MREG: variants seen among roughly 807,000 people sequenced by gnomAD.
MREG encodes the protein dilute suppressor protein homolog.
MREG carries 31 observed loss-of-function variants against 28.5 expected under a neutral mutation model. The observed-to-expected ratio is 1.09, with a 90% CI of 0.82 to 1.47. The LOEUF (loss-of-function observed/expected upper bound fraction) is 1.47, where lower values mean the gene tolerates loss of function less well. Among genes scored for constraint, MREG ranks in the 40% most tolerant of loss-of-function variants. The pLI, the probability that MREG is intolerant of heterozygous loss-of-function variation, is 0.00. For missense variants in MREG, 256 were observed against 257.4 expected, an observed-to-expected ratio of 0.99 and a Z score of 0.04; for synonymous variants, 106 against 95.2, an observed-to-expected ratio of 1.11 and a Z score of -0.66.
At chr2:215,955,724 T>C (rs973440384) in intron 2 of MREG, among the ~76,000 whole-genome samples, 21 of 152,316 alleles carry the variant, frequency 1.4e-4, no homozygotes, top group African/African-American at 4.6e-4. Flanking sequence ...CTTCTCCAGT[T>C]TAGTTTTCTG....
chr2:215,969,108 G>A (rs1693020597), intron 2 of MREG, among the ~76,000 whole-genome samples: 1 of 152,144 alleles, frequency 6.6e-6, no homozygotes, highest in Admixed American at 6.5e-5. Context: ...TCAGATTTGA[G>A]TTTTAAAGGG....
intron 1 of MREG, among the ~76,000 whole-genome samples, chr2:216,010,592 T>C (rs1448420481): frequency 1.1e-4 from 17 of 150,400 alleles, no homozygotes; most frequent in South Asian, 2.1e-4. Flanking sequence ...CTCCTGACCT[T>C]GTGATCCGGC....
intron 2 of MREG, among the ~76,000 whole-genome samples, chr2:215,968,870 C>G (rs976790003): frequency 6.6e-6 from 1 of 152,224 alleles, no homozygotes; most frequent in South Asian, 2.1e-4. Flanking sequence ...ATCTTCCCGC[C>G]TCAGCCTCCA....
intron 1 of MREG, among the ~76,000 whole-genome samples, chr2:216,009,567 T>G (rs1323280095): frequency 1.3e-5 from 2 of 152,168 alleles, no homozygotes; most frequent in Non-Finnish European, 2.9e-5. Flanking sequence ...CCTGAGCGTC[T>G]TTCTCCTTAA....
chr2:215,981,106 A>G (rs1693417563), intron 2 of MREG, among the ~76,000 whole-genome samples: 2 of 152,350 alleles, frequency 1.3e-5, no homozygotes, highest in African/African-American at 4.8e-5. Flanking sequence ...TAAATAATTA[A>G]TAACTCATTA....
In MREG at chr2:216,026,102, C is replaced by CAG. The variant is rs569284105; in HGVS notation, c.-68+6685_-68+6686dup. Among the ~76,000 whole-genome samples the CAG allele has an allele frequency of 1.6e-4, 25 of 152,174 alleles. No individual in the cohort carries two copies. The East Asian group carries it at 4.1e-3, about 25-fold the overall frequency. The stretch of plus-strand genomic sequence containing the variant: ...AAACATTATGATAAGTGAAAAAAGC[C>CAG]AGACACAAAAGGTCACACATTATAT... On this transcript the variant is annotated intron_variant, in intron 1 of 3. Coordinates refer to the MREG transcript ENST00000420348.
chr2:215,994,457 T>A (rs1054252533), intron 2 of MREG, among the ~76,000 whole-genome samples: 1 of 151,526 alleles, frequency 6.6e-6, no homozygotes, highest in African/African-American at 2.4e-5. Context: ...GAAATACCTA[T>A]TGTAGATGAC....
chr2:215,945,081 A>T (rs1292870043), intron 4 of MREG, 84 bp from the exon 5 acceptor site: 1 of 1,357,472 alleles, frequency 7.4e-7, no homozygotes, highest in African/African-American at 1.4e-5. Context: ...TCTAACAACA[A>T]CAAAACCCAC....
chr2:215,998,320 A>ATAATAAT (rs1288861522), intron 1 of MREG, among the ~76,000 whole-genome samples: 1 of 138,902 alleles, frequency 7.2e-6, no homozygotes, highest in African/African-American at 2.7e-5. Flanking sequence ...AAAAAAAAAA[A>ATAATAAT]AATAATAATA....
At chr2:215,993,574 A>G (rs1380664565) in intron 2 of MREG, among the ~76,000 whole-genome samples, 1 of 152,172 alleles carries the variant, frequency 6.6e-6, no homozygotes, top group African/African-American at 2.4e-5. Context: ...GACAAATGGG[A>G]TTAAACTAAA....
At chr2:215,998,499 G>C (rs1693933094) in intron 1 of MREG, among the ~76,000 whole-genome samples, 1 of 152,070 alleles carries the variant, frequency 6.6e-6, no homozygotes, top group Non-Finnish European at 1.5e-5. Flanking sequence ...TGTGGCTGCA[G>C]GTCAGAAGTT....
chr2:216,021,716 G>A (rs192788189), intron 1 of MREG, among the ~76,000 whole-genome samples: 145 of 152,292 alleles, frequency 9.5e-4, no homozygotes, highest in Non-Finnish European at 1.7e-3. Context: ...TCAGGATTGG[G>A]TGAAATAACA....
upstream of MREG, among the ~76,000 whole-genome samples, chr2:216,014,634 G>A (rs892395799): frequency 6.8e-6 from 1 of 146,854 alleles, no homozygotes; most frequent in South Asian, 2.2e-4. Flanking sequence ...GGGTGACAGA[G>A]CAAGACTCCG....
intron 4 of MREG, 113 bp from the exon 5 acceptor site, chr2:215,945,110 C>A: frequency 9.2e-7 from 1 of 1,087,324 alleles, no homozygotes; most frequent in Middle Eastern, 2.1e-4. Flanking sequence ...TGACAATGAG[C>A]AAGTAAGACG....
At chr2:215,946,953 G>A (rs1692339488) in intron 3 of MREG, 70 bp downstream of exon 3, 1 of 897,636 alleles carries the variant, frequency 1.1e-6, no homozygotes, top group African/African-American at 1.6e-5. Flanking sequence ...TAAAAACCAT[G>A]GTGGAGAAAT....
chr2:215,945,536 A>C (rs750698111), intron 4 of MREG, 35 bp downstream of exon 4: 1 of 1,596,428 alleles, frequency 6.3e-7, no homozygotes, highest in Non-Finnish European at 8.5e-7. Context: ...CAATTAAAGC[A>C]AAATTAGGGC....
Position 216,013,519 on chromosome 2 carries a change from C to CT in MREG, c.-193dup, listed in dbSNP as rs1035924073. 1 of 178,360 alleles carries CT rather than the reference C, an allele frequency of 5.6e-6. No homozygotes were observed. Among genetic ancestry groups the CT allele is most frequent in the African/African-American group, 2.4e-5 (1 of 41,884 alleles). The allele number at this position is 178,360 out of a possible 1,614,324, so 11.0% of individuals were successfully genotyped here. Reference sequence around the variant, plus strand: ...CGAGGGCTGCAGGCCGCGCGCCCTCCTCTCCTTGCGTTTTGTTTGGGGCGT... The same window carrying CT: ...CGAGGGCTGCAGGCCGCGCGCCCTCCTTCTCCTTGCGTTTTGTTTGGGGCGT... On this transcript the variant is annotated 5_prime_UTR_variant, in exon 1 of 5. Coordinates refer to ENST00000263268, the MANE Select transcript of MREG (RefSeq NM_018000.3).
At chr2:215,991,010 T>C (rs961028016) in intron 2 of MREG, among the ~76,000 whole-genome samples, 1 of 152,164 alleles carries the variant, frequency 6.6e-6, no homozygotes, top group African/African-American at 2.4e-5. Context: ...AACAAGGATA[T>C]ACAGGAGTTA....
intron 1 of MREG, among the ~76,000 whole-genome samples, chr2:216,025,608 TC>T (rs1694583937): frequency 6.6e-6 from 1 of 152,154 alleles, no homozygotes; most frequent in Non-Finnish European, 1.5e-5. Flanking sequence ...GCCCTTTCTG[TC>T]CCCTCCATGA....
Sources: gnomAD v4.1 joint callset for allele counts (sites outside exome capture counted in the v4.1 genomes callset) on GRCh38, gnomAD v4.1.1 for gene constraint, MANE v1.5 for transcripts, NCBI Gene and HGNC (gene_info 2026-07-23, HGNC 2026-07-21) for gene names.